The following CCDC144A variants were observed in gnomAD, a reference collection of about 807,000 sequenced individuals.
CCDC144A encodes coiled-coil domain containing 144A.
In CCDC144A, 41 loss-of-function variants were observed where a neutral mutation model predicts 143.8. The ratio of observed to expected loss-of-function variants is 0.29; its 90% CI spans 0.22 to 0.37. The LOEUF is 0.37. Among genes scored for constraint, CCDC144A ranks in the 10% least tolerant of loss-of-function variants. CCDC144A has a pLI of 1.00. For missense variants in CCDC144A, 637 were observed against 1,488.8 expected (o/e 0.43, Z 9.41); for synonymous variants, 242 against 517.9 (o/e 0.47, Z 7.23).
At chr17:16,748,785 T>G (rs998108372) in intron 12 of CCDC144A, among the ~76,000 whole-genome samples, 1 of 152,182 alleles carries the variant, frequency 6.6e-6, no homozygotes, top group Non-Finnish European at 1.5e-5. Context: ...TGTCTGTTCA[T>G]GATTTCAATT....
At chr17:16,734,051 G>A (rs1913879942) in intron 11 of CCDC144A, among the ~76,000 whole-genome samples, 2 of 151,272 alleles carry the variant, frequency 1.3e-5, no homozygotes, top group Admixed American at 6.6e-5. Context: ...GAAGTGGGAG[G>A]ATCACCTGAG....
At chr17:16,691,357 C>G (rs1012678928) in intron 1 of CCDC144A, among the ~76,000 whole-genome samples, 39 of 152,140 alleles carry the variant, frequency 2.6e-4, no homozygotes, top group Admixed American at 2.0e-4. Flanking sequence ...CCATATTATC[C>G]TTTCCCAGAT....
At chr17:16,676,169 T>C in the CCDC144A span, among the ~76,000 whole-genome samples, 583 of 152,112 alleles carry the variant, frequency 3.8e-3, 6 homozygotes, top group African/African-American at 0.013. Flanking sequence ...TAAATTCATA[T>C]AGAATATGGC....
intron 6 of CCDC144A, among the ~76,000 whole-genome samples, chr17:16,718,952 C>T (rs1449842115): frequency 7.5e-6 from 1 of 132,656 alleles, no homozygotes; most frequent in Non-Finnish European, 1.6e-5. Flanking sequence ...CTGTCTCAGC[C>T]TCCTGAGTAG....
chr17:16,747,226 G>A (rs2040841522), intron 12 of CCDC144A, among the ~76,000 whole-genome samples: 1 of 152,156 alleles, frequency 6.6e-6, no homozygotes, highest in Non-Finnish European at 1.5e-5. Context: ...TAGGCATGTG[G>A]CTTTATTTCT....
At position 16,734,944 on chromosome 17, in the gene CCDC144A, G is replaced by A. The variant is rs772136052; in HGVS notation, c.2673G>A (p.Glu891=). 2 of 1,589,990 alleles carry A rather than the reference G, an allele frequency of 1.3e-6. No individual in the cohort carries two copies. Among genetic ancestry groups the A allele is most frequent in the East Asian group, 4.5e-5 (2 of 44,244 alleles). Residue 891 remains glutamate (E), a synonymous_variant, in exon 12 of 17, where the codon GAG becomes GAA. Coordinates refer to ENST00000399273, the MANE Select transcript of CCDC144A (RefSeq NM_001382000.1). ...GACAGCTGAACAATCTGACAGCTGA[G>A]AACAAAATACTCAATTCTGAACTGG... ...YSGQLNNLTA[E]NKILNSELEN... is the part of the protein sequence containing the mutation.
the CCDC144A span, among the ~76,000 whole-genome samples, chr17:16,681,557 A>T: frequency 6.6e-6 from 1 of 152,194 alleles, no homozygotes; most frequent in East Asian, 1.9e-4. Context: ...TAGCGCAGGT[A>T]CTTTAAAACA....
chr17:16,684,660 T>TA (rs746166164), upstream of CCDC144A, among the ~76,000 whole-genome samples: 1,039 of 130,724 alleles, frequency 7.9e-3, 1 homozygote, highest in African/African-American at 0.01. Context: ...AGACTCCATC[T>TA]AAAAAAAAAA....
chr17:16,741,478 C>T (rs1025336883), intron 12 of CCDC144A, among the ~76,000 whole-genome samples: 7 of 152,170 alleles, frequency 4.6e-5, no homozygotes, highest in African/African-American at 1.4e-4. Flanking sequence ...GAGCAGTCTG[C>T]GGTAGAGAGC....
chr17:16,764,835 A>G (rs1483195192), intron 15 of CCDC144A: 1 of 150,458 alleles, frequency 6.6e-6, no homozygotes, highest in Non-Finnish European at 1.5e-5. Flanking sequence ...GAAATAGTTA[A>G]ATCAAATAAA....
At chr17:16,770,656 C>T (rs1179295373) in intron 15 of CCDC144A, among the ~76,000 whole-genome samples, 1 of 151,940 alleles carries the variant, frequency 6.6e-6, no homozygotes, top group Non-Finnish European at 1.5e-5. Flanking sequence ...GACATTCATA[C>T]GTTTAAGTAA....
chr17:16,672,816 C>T, the CCDC144A span, among the ~76,000 whole-genome samples: 128 of 152,092 alleles, frequency 8.4e-4, 1 homozygote, highest in African/African-American at 2.9e-3. Context: ...ATAATATTAA[C>T]GTCTATCTTT....
intron 12 of CCDC144A, among the ~76,000 whole-genome samples, chr17:16,755,999 A>G (rs1915066671): frequency 6.6e-6 from 1 of 152,202 alleles, no homozygotes; most frequent in Non-Finnish European, 1.5e-5. Context: ...GCTATTTGAT[A>G]TGGATTCCCT....
upstream of CCDC144A, among the ~76,000 whole-genome samples, chr17:16,686,743 CACAA>C (rs1444735113): frequency 1.4e-4 from 17 of 122,938 alleles, no homozygotes; most frequent in East Asian, 3.5e-4. Context: ...CTGTCACACA[CACAA>C]ACACACACAC....
Position 16,734,703 on chromosome 17 carries a change from A to G in CCDC144A, c.2432A>G (p.His811Arg). 7 of 1,563,822 alleles carry G rather than the reference A, an allele frequency of 4.5e-6. No homozygotes were observed. Among genetic ancestry groups the G allele is most frequent in the Non-Finnish European group, 4.3e-6 (5 of 1,159,454 alleles). ...KKMNSEISHR[H>R]QKEKDLFHED... ...TTTCTTACTTAGATTTCTCATAGGC[A>G]TCAGAAAGAAAAGGATCTCTTTCAT... The change falls in exon 12 of 17, where the codon CAT becomes CGT. Residue 811 changes from histidine (H) to arginine (R), a missense_variant. Physicochemically the swap from His to Arg is conservative, Grantham distance 29. Transcript: ENST00000399273.
rs1471992434 is a variant in CCDC144A, at chr17:16,777,388, A to G, written c.*3755A>G. On this transcript the variant is annotated 3_prime_UTR_variant, in exon 17 of 17. Coordinates refer to ENST00000399273, the MANE Select transcript of CCDC144A (RefSeq NM_001382000.1). ...TTAACAGATGCTTACAGAACATTCT[A>G]CCCAACAAGCATAGAATATACATTG... The G allele has an allele frequency of 1.3e-5, 2 of 152,094 alleles. No individual in the cohort carries two copies. Among genetic ancestry groups the G allele is most frequent in the Non-Finnish European group, 2.9e-5 (2 of 68,048 alleles). 9.4% of individuals were successfully genotyped at this position (152,094 alleles called of 1,614,324 possible).
intron 2 of CCDC144A, chr17:16,695,323 C>G (rs910610520): frequency 1.3e-5 from 2 of 152,166 alleles, no homozygotes; most frequent in African/African-American, 4.8e-5. Context: ...CACAGTGGTG[C>G]ATGCCTGTAA....
At chr17:16,724,121 T>G (rs1238334386) in intron 8 of CCDC144A, among the ~76,000 whole-genome samples, 1 of 152,098 alleles carries the variant, frequency 6.6e-6, no homozygotes, top group Admixed American at 6.5e-5. Context: ...TGTGTATTAC[T>G]TTGTTTTAAA....
the CCDC144A span, among the ~76,000 whole-genome samples, chr17:16,670,547 A>C: frequency 6.6e-6 from 1 of 152,102 alleles, no homozygotes; most frequent in South Asian, 2.1e-4. Context: ...CCACTCTGGC[A>C]CCCAGGCTGG....
Sources: allele counts gnomAD v4.1 joint callset (sites outside exome capture counted in the v4.1 genomes callset), GRCh38; gene constraint gnomAD v4.1.1; transcripts MANE v1.5; gene names NCBI Gene and HGNC (gene_info 2026-07-23, HGNC 2026-07-21).